Variants in PLEKHG7 observed in about 807,000 individuals in gnomAD.
The protein encoded by PLEKHG7 is pleckstrin homology domain-containing family G member 7.
A neutral mutation model predicts 85.2 loss-of-function variants in PLEKHG7; 77 were observed. That is an observed-to-expected ratio of 0.90 (90% CI 0.75 to 1.09). PLEKHG7 has a LOEUF of 1.09. PLEKHG7 is among the 50% of genes least tolerant of loss of function. The pLI is 0.00. For synonymous variants in PLEKHG7, 301 were observed against 302.4 expected (o/e 1.00, Z 0.05); for missense variants, 777 against 804.3 (o/e 0.97, Z 0.41).
intron 15 of PLEKHG7, among the ~76,000 whole-genome samples, chr12:92,766,432 C>A (rs1170998076): frequency 2.0e-5 from 3 of 152,156 alleles, no homozygotes; most frequent in African/African-American, 7.2e-5. Flanking sequence ...AGTCACAACC[C>A]TGCCAGCTTT....
At chr12:92,748,273 G>A (rs56218326) in intron 10 of PLEKHG7, among the ~76,000 whole-genome samples, 2 of 148,794 alleles carry the variant, frequency 1.3e-5, no homozygotes, top group Non-Finnish European at 3.0e-5. Context: ...TTGAGACAGA[G>A]TTTTGTTTTC....
At chr12:92,729,224 C>T (rs1291881917) in intron 4 of PLEKHG7, 104 bp downstream of exon 4, 34 of 1,183,206 alleles carry the variant, frequency 2.9e-5, no homozygotes, top group Non-Finnish European at 5.3e-6. Flanking sequence ...AGAATATATG[C>T]ACTGACCTGT....
chr12:92,746,470 G>A (rs912190420), intron 10 of PLEKHG7, among the ~76,000 whole-genome samples: 1 of 152,194 alleles, frequency 6.6e-6, no homozygotes, highest in Non-Finnish European at 1.5e-5. Context: ...AAGAGACTTG[G>A]CCATATTTTT....
intron 11 of PLEKHG7, 63 bp downstream of exon 11, chr12:92,754,327 T>G (rs1872769234): frequency 6.7e-7 from 1 of 1,490,526 alleles, no homozygotes; most frequent in Admixed American, 1.7e-5. Flanking sequence ...CTGGAAACCT[T>G]CTGGGCTTCC....
At chr12:92,763,894 C>A in intron 14 of PLEKHG7, 147 bp from the exon 15 acceptor site, 1 of 537,708 alleles carries the variant, frequency 1.9e-6, no homozygotes, top group African/African-American at 2.0e-5. Context: ...AAATGCTTTT[C>A]AAGATCCAGA....
At chr12:92,768,605 GA>G (rs1181314061) in intron 15 of PLEKHG7, among the ~76,000 whole-genome samples, 2 of 152,054 alleles carry the variant, frequency 1.3e-5, no homozygotes, top group African/African-American at 4.8e-5. Context: ...GAAGAACAAA[GA>G]AGAAAATATT....
intron 13 of PLEKHG7, among the ~76,000 whole-genome samples, chr12:92,758,028 C>A (rs182554428): frequency 6.6e-6 from 1 of 152,220 alleles, no homozygotes; most frequent in Non-Finnish European, 1.5e-5. Context: ...ACCCACCCCC[C>A]ACTTTCATTT....
intron 3 of PLEKHG7, chr12:92,721,672 G>A (rs1871646302): frequency 3.2e-5 from 3 of 93,730 alleles, no homozygotes; most frequent in Non-Finnish European, 5.2e-5. Flanking sequence ...TTGTCCTGAA[G>A]CAAAGAACCA....
At chr12:92,728,813 T>C (rs1413562321) in intron 3 of PLEKHG7, among the ~76,000 whole-genome samples, 180 bp from the exon 4 acceptor site, 1 of 152,156 alleles carries the variant, frequency 6.6e-6, no homozygotes, top group Non-Finnish European at 1.5e-5. Flanking sequence ...TTCTTTGAAA[T>C]ATCTCCATAC....
At chr12:92,767,987 A>G (rs1321937965) in intron 15 of PLEKHG7, among the ~76,000 whole-genome samples, 1 of 152,036 alleles carries the variant, frequency 6.6e-6, no homozygotes, top group African/African-American at 2.4e-5. Flanking sequence ...TGGGTGGATC[A>G]TGAGGTTAGG....
At chr12:92,764,593 G>A (rs1256851959) in intron 15 of PLEKHG7, among the ~76,000 whole-genome samples, 1 of 151,816 alleles carries the variant, frequency 6.6e-6, no homozygotes, top group East Asian at 1.9e-4. Flanking sequence ...ATAACCAGAC[G>A]TGCAAGAGTA....
At chr12:92,749,282 AATTT>A (rs1872621802) in intron 10 of PLEKHG7, among the ~76,000 whole-genome samples, 1 of 151,788 alleles carries the variant, frequency 6.6e-6, no homozygotes, top group African/African-American at 2.4e-5. Context: ...TTAATTAATT[AATTT>A]ATTTATGTAT....
chr12:92,719,469 C>G (rs79173956), intron 3 of PLEKHG7, among the ~76,000 whole-genome samples: 1,568 of 152,286 alleles, frequency 0.01, 30 homozygotes, highest in African/African-American at 0.033. Context: ...TACTACCAGA[C>G]AAGGACTATA....
Position 92,706,892 on chromosome 12 carries a change from C to A in PLEKHG7, c.261C>A (p.Ser87Arg), listed in dbSNP as rs761182559. The A allele has an allele frequency of 1.2e-5, 20 of 1,613,914 alleles. No homozygotes were observed. The highest frequency in any genetic ancestry group is 5.5e-5 in the South Asian group (5 of 91,086). ...PVGFPCYLSK[S>R]LPGSPKDSSH... ...GCTTCCCATGTTACCTTTCGAAGAG[C>A]CTGCCAGGAAGCCCAAAGGATTCTT... The change falls in exon 2 of 17, where the codon AGC becomes AGA. Residue 87 changes from serine to arginine, a missense_variant. This residue lies in a region of PLEKHG7 where 252 missense variants were observed against 241.9 expected (regional missense o/e 1.04). Coordinates refer to ENST00000344636, the MANE Select transcript of PLEKHG7 (RefSeq NM_001377329.1).
Position 92,706,577 on chromosome 12 carries a change from C to T in PLEKHG7, c.-55C>T. 1 of 1,525,418 alleles carries T rather than the reference C, an allele frequency of 6.6e-7. No individual in the cohort carries two copies. Among genetic ancestry groups the T allele is most frequent in the Non-Finnish European group, 8.8e-7 (1 of 1,140,366 alleles). 94.5% of individuals were successfully genotyped at this position (1,525,418 alleles called of 1,614,324 possible). ...AGCACCCTCCATGTGATCCAGAGAACAGCAACTCATACGTCTTCTGGAACC... is the reference window on the plus strand; with the variant it reads ...AGCACCCTCCATGTGATCCAGAGAATAGCAACTCATACGTCTTCTGGAACC... On this transcript the variant is annotated 5_prime_UTR_variant, in exon 2 of 17. Transcript: ENST00000344636.
At chr12:92,707,889 A>G in intron 3 of PLEKHG7, 2 of 659,232 alleles carry the variant, frequency 3.0e-6, no homozygotes, top group Non-Finnish European at 5.0e-6. Flanking sequence ...ATACAATGCC[A>G]TATGCAGTCA....
intron 13 of PLEKHG7, among the ~76,000 whole-genome samples, chr12:92,761,290 A>G (rs1490658295): frequency 2.6e-5 from 4 of 152,180 alleles, no homozygotes; most frequent in Admixed American, 1.3e-4. Flanking sequence ...AAGTTCAATC[A>G]GTTGATAGAT....
intron 13 of PLEKHG7, among the ~76,000 whole-genome samples, chr12:92,757,234 G>C (rs1872860891): frequency 6.6e-6 from 1 of 152,190 alleles, no homozygotes; most frequent in Admixed American, 6.5e-5. Context: ...TGAACCAACG[G>C]ATGTGTAAGC....
At chr12:92,715,514 C>G (rs2136576071) in intron 3 of PLEKHG7, among the ~76,000 whole-genome samples, 1 of 152,174 alleles carries the variant, frequency 6.6e-6, no homozygotes, top group Non-Finnish European at 1.5e-5. Flanking sequence ...CAAACCGAGA[C>G]AGATCCCCCA....
Sources: gnomAD v4.1 joint callset for allele counts (sites outside exome capture counted in the v4.1 genomes callset) on GRCh38, gnomAD v4.1.1 for gene constraint, gnomAD v4.1.1 regional missense constraint, MANE v1.5 for transcripts, NCBI Gene and HGNC (gene_info 2026-07-23, HGNC 2026-07-21) for gene names.